FREM3: variants seen among roughly 807,000 people sequenced by gnomAD.
FREM3 encodes the protein FRAS1-related extracellular matrix protein 3.
FREM3 carries 105 observed loss-of-function variants against 129.1 expected under a neutral mutation model. The ratio of observed to expected loss-of-function variants is 0.81; its 90% CI spans 0.69 to 0.96. The LOEUF (loss-of-function observed/expected upper bound fraction) is 0.96, where lower values mean the gene tolerates loss of function less well. Ranked by LOEUF, FREM3 falls within the 40% of genes least tolerant of loss-of-function variation. The pLI is 0.00. For missense variants in FREM3, 2,593 were observed against 2,666.3 expected (o/e 0.97, Z 0.61); for synonymous variants, 1,014 against 1,044.9 (o/e 0.97, Z 0.57).
At chr4:143,678,870 G>T (rs1462519248) in intron 2 of FREM3, among the ~76,000 whole-genome samples, 2 of 149,928 alleles carry the variant, frequency 1.3e-5, no homozygotes, top group African/African-American at 2.5e-5. Flanking sequence ...ATGATGAACT[G>T]TATTTCAAGT....
chr4:143,684,253 T>C lies in FREM3; in HGVS notation c.5275+8860A>G, dbSNP rs1053443965. ...AAGCTAAGGACCCTCATGGAGTCCA[T>C]TGCACCCCCCACCACTTCCAACGGA... On this transcript the variant is annotated intron_variant, in intron 2 of 7. Transcript: ENST00000329798. Among the ~76,000 whole-genome samples, 3 of 152,088 alleles carry C rather than the reference T, an allele frequency of 2.0e-5. No individual in the cohort carries two copies. In the South Asian group the frequency reaches 6.2e-4, roughly 32 times the overall value.
chr4:143,588,885 C>T (rs565009853), intron 6 of FREM3, among the ~76,000 whole-genome samples: 209 of 150,816 alleles, frequency 1.4e-3, no homozygotes, highest in Middle Eastern at 3.4e-3. Flanking sequence ...TCCTATTTCT[C>T]CACATCCTCT....
intron 2 of FREM3, among the ~76,000 whole-genome samples, chr4:143,679,073 T>C (rs1273923601): frequency 2.0e-5 from 3 of 152,204 alleles, no homozygotes; most frequent in East Asian, 1.9e-4. Context: ...TGTTTAACCA[T>C]GTATATGCAT....
chr4:143,590,195 T>G (rs1461273737), intron 6 of FREM3, among the ~76,000 whole-genome samples: 38 of 152,298 alleles, frequency 2.5e-4, no homozygotes, highest in African/African-American at 8.4e-4. Context: ...AGGGACAATT[T>G]GACTTCCTCT....
chr4:143,596,198 GGAAA>G lies in FREM3; in HGVS notation c.6029-10209_6029-10206del, dbSNP rs1286664531. 7.2e-5 allele frequency among the ~76,000 whole-genome samples: 11 copies of G among 152,278 alleles called. No homozygotes were observed. In the East Asian group the frequency reaches 2.1e-3, roughly 29 times the overall value. Reference sequence around the variant, plus strand: ...TGATATTTTAGATTTTATAGAATGTGGAAACCAATTTTAGGCAGTGAAAAGGTGT... The same window carrying G: ...TGATATTTTAGATTTTATAGAATGTGCCAATTTTAGGCAGTGAAAAGGTGT... On this transcript the variant is annotated intron_variant, in intron 6 of 7. Coordinates refer to ENST00000329798, the MANE Select transcript of FREM3 (RefSeq NM_001168235.2).
chr4:143,653,790 C>T lies in FREM3; in HGVS notation c.5276-26030G>A, dbSNP rs1399470927. On this transcript the variant is annotated intron_variant, in intron 2 of 7. Coordinates refer to ENST00000329798, the MANE Select transcript of FREM3 (RefSeq NM_001168235.2). ...TTACTCCAGACAAATTAAATCAGAG[C>T]GTTTAGATGGTTGGGCCCAGATTTG... Among the ~76,000 whole-genome samples the T allele has an allele frequency of 7.2e-5, 11 of 152,196 alleles. No homozygotes were observed. The South Asian group carries it at 1.9e-3, about 26-fold the overall frequency.
At chr4:143,665,740 TC>T (rs1280909661) in intron 2 of FREM3, among the ~76,000 whole-genome samples, 1 of 152,098 alleles carries the variant, frequency 6.6e-6, no homozygotes, top group South Asian at 2.1e-4. Flanking sequence ...ACAAATTGTT[TC>T]CCCTCTGCCT....
chr4:143,676,915 A>G (rs1480519629), intron 2 of FREM3, among the ~76,000 whole-genome samples: 1 of 152,178 alleles, frequency 6.6e-6, no homozygotes, highest in African/African-American at 2.4e-5. Flanking sequence ...ATGGAAGAAC[A>G]TTCCATGGTC....
intron 2 of FREM3, among the ~76,000 whole-genome samples, chr4:143,692,521 G>T (rs766059085): frequency 6.6e-6 from 1 of 152,114 alleles, no homozygotes; most frequent in Non-Finnish European, 1.5e-5. Context: ...TGAATCCCTA[G>T]GTGTGTAAAG....
chr4:143,673,622 C>G (rs911662337), intron 2 of FREM3, among the ~76,000 whole-genome samples: 1 of 152,224 alleles, frequency 6.6e-6, no homozygotes, highest in Admixed American at 6.5e-5. Context: ...TCAAAGCTGT[C>G]AGACAGGGAC....
Position 143,696,767 on chromosome 4 carries a change from A to G in FREM3, c.3909T>C (p.Asp1303=). 6.5e-7 allele frequency: 1 copy of G among 1,537,818 alleles called. No homozygotes were observed. Among genetic ancestry groups the G allele is most frequent in the Non-Finnish European group, 8.7e-7 (1 of 1,147,044 alleles). Residue 1303 remains aspartate, a synonymous_variant, in exon 1 of 8, where the codon GAT becomes GAC. Transcript: ENST00000329798. ...TGACAGTCAGGTGAGGAGTTTCATC[A>G]TCCACTAGGGTCACTACAATGGGTA... ...RKVPIVVTLV[D]DETPHLTVNN... is the part of the protein sequence containing the mutation.
At chr4:143,580,637 A>G (rs1738113588) in intron 7 of FREM3, among the ~76,000 whole-genome samples, 1 of 152,092 alleles carries the variant, frequency 6.6e-6, no homozygotes, top group Non-Finnish European at 1.5e-5. Context: ...ACTTGCCTCC[A>G]CTGAACTCAC....
chr4:143,624,132 C>T lies in FREM3; in HGVS notation c.5629G>A (p.Val1877Ile), dbSNP rs1211470229. The T allele has an allele frequency of 6.5e-7, 1 of 1,534,060 alleles. No homozygotes were observed. Among genetic ancestry groups the T allele is most frequent in the South Asian group, 1.2e-5 (1 of 84,000 alleles). ...CCATCTCCAGGGTCTACAATTTCAA[C>T]CGTTGCCATTTCTGGAAACTCCAGT... ...AVLEFPEMAT[V>I]EIVDPGDEST... Residue 1877 changes from valine to isoleucine, a missense_variant, in exon 4 of 8, where the codon GTT (valine) becomes ATT (isoleucine). This residue lies in a region of FREM3 where 317 missense variants were observed against 399.0 expected (regional missense o/e 0.79). Transcript: ENST00000329798.
At chr4:143,655,297 C>T (rs573924916) in intron 2 of FREM3, among the ~76,000 whole-genome samples, 36 of 152,152 alleles carry the variant, frequency 2.4e-4, no homozygotes, top group Non-Finnish European at 4.4e-4. Flanking sequence ...CCTTTTATGC[C>T]TAAGTAATCA....
chr4:143,700,023 C>T lies in FREM3; in HGVS notation c.653G>A (p.Gly218Asp). ...CRLTPLPHED[G>D]PLPKYGRLVD... ...CAAGCGCCCGTACTTGGGCAGGGGGCCGTCCTCGTGAGGAAGTGGGGTAAG... is the reference window on the plus strand; with the variant it reads ...CAAGCGCCCGTACTTGGGCAGGGGGTCGTCCTCGTGAGGAAGTGGGGTAAG... The change falls in exon 1 of 8, where the codon GGC becomes GAC. Residue 218 changes from glycine (G) to aspartate (D), a missense_variant. By Grantham distance (94) the Gly-to-Asp change is moderately conservative. Around this residue, in one of 2 missense-constraint regions of FREM3, gnomAD observed 2,276 missense variants for 2,267.2 expected, o/e 1.00. Coordinates refer to ENST00000329798, the MANE Select transcript of FREM3 (RefSeq NM_001168235.2). The T allele has an allele frequency of 6.6e-7, 1 of 1,508,370 alleles. No individual in the cohort carries two copies. Among genetic ancestry groups the T allele is most frequent in the Non-Finnish European group, 8.8e-7 (1 of 1,130,594 alleles). The allele number at this position is 1,508,370 out of a possible 1,614,324, so 93.4% of individuals were successfully genotyped here.
chr4:143,662,757 C>G (rs1206821805), intron 2 of FREM3, among the ~76,000 whole-genome samples: 3 of 151,910 alleles, frequency 2.0e-5, no homozygotes, highest in Non-Finnish European at 4.4e-5. Flanking sequence ...CTTTATGAAT[C>G]TGGGTGCTCC....
rs1268264491 is a variant in FREM3, at chr4:143,611,526, AC to A, written c.5780del (p.Gly1927ValfsTer41). 2.9e-5 allele frequency: 44 copies of A among 1,536,694 alleles called. No individual in the cohort carries two copies. The East Asian group carries it at 1.1e-3, about 38-fold the overall frequency. On this transcript the variant is annotated frameshift_variant and splice_region_variant, in exon 6 of 8. Transcript: ENST00000329798. LOFTEE classifies it high-confidence loss of function. Reference protein sequence around the residue: ...ELIVICSTRQGSATGTISSTV... With the variant: ...ELIVICSTRQXSATGTISSTV... The stretch of plus-strand genomic sequence containing the variant: ...TGGAAGAAATCGTGCCTGTGGCAGA[AC>A]CTACAGAAATATGAGAAGGAACAGG...
chr4:143,685,598 C>CA lies in FREM3; in HGVS notation c.5275+7514dup, dbSNP rs111765276. On this transcript the variant is annotated intron_variant, in intron 2 of 7. Transcript: ENST00000329798. ...TAAAACAAAAATACAAGTAAAAAAG[C>CA]AAAAAACAAATAACCAAAAAAATCA... 1.8e-3 allele frequency among the ~76,000 whole-genome samples: 268 copies of CA among 152,074 alleles called. 1 individual carries two copies. Among genetic ancestry groups the CA allele is most frequent in the African/African-American group, 5.8e-3 (241 of 41,510 alleles).
intron 2 of FREM3, among the ~76,000 whole-genome samples, chr4:143,686,181 T>A (rs1057004338): frequency 1.3e-5 from 2 of 152,102 alleles, no homozygotes; most frequent in Non-Finnish European, 2.9e-5. Context: ...CTAATTCTTA[T>A]ATGAGACAAA....
Sources: allele counts gnomAD v4.1 joint callset (sites outside exome capture counted in the v4.1 genomes callset), GRCh38; gene constraint gnomAD v4.1.1; regional missense constraint gnomAD v4.1.1; transcripts MANE v1.5; gene names NCBI Gene and HGNC (gene_info 2026-07-23, HGNC 2026-07-21).